The following SOD2 variants were observed in gnomAD, a reference collection of about 807,000 sequenced individuals.
SOD2 encodes the protein superoxide dismutase 2, also known as superoxide dismutase [Mn], mitochondrial.
Under a neutral mutation model 27.0 loss-of-function variants are expected in SOD2, and 11 were observed. The observed-to-expected ratio is 0.41, with a 90% CI of 0.26 to 0.67. SOD2 has a LOEUF of 0.67. SOD2 is among the 30% of genes least tolerant of loss of function. The probability of loss-of-function intolerance (pLI) is 0.34; values close to 1 mark genes in which losing one functional copy is unlikely to be tolerated. For synonymous variants in SOD2, 105 were observed against 103.0 expected, an observed-to-expected ratio of 1.02 and a Z score of -0.12; for missense variants, 250 against 274.5, an observed-to-expected ratio of 0.91 and a Z score of 0.63.
intron 1 of SOD2, among the ~76,000 whole-genome samples, chr6:159,734,915 T>G (rs1778811077): frequency 6.6e-6 from 1 of 152,182 alleles, no homozygotes; most frequent in Non-Finnish European, 1.5e-5. Flanking sequence ...TGTCTTTTTT[T>G]TGTGTGTGGA....
At chr6:159,709,052 T>A (rs372320659) in intron 1 of SOD2, among the ~76,000 whole-genome samples, 18 of 152,220 alleles carry the variant, frequency 1.2e-4, no homozygotes, top group East Asian at 9.6e-4. Context: ...CTGGGAAAAC[T>A]GGCTAGCCAT....
At chr6:159,701,405 T>G (rs1477606367) in intron 1 of SOD2, among the ~76,000 whole-genome samples, 2 of 152,106 alleles carry the variant, frequency 1.3e-5, no homozygotes, top group African/African-American at 4.8e-5. Flanking sequence ...CATATATTTT[T>G]TAAAAGGTCA....
rs1008665102 is a variant in SOD2, at chr6:159,674,429, A to G, written c.*8064T>C. 7.9e-5 allele frequency: 12 copies of G among 152,218 alleles called. No individual in the cohort carries two copies. Among genetic ancestry groups the G allele is most frequent in the Non-Finnish European group, 1.5e-4 (10 of 68,036 alleles). The allele number at this position is 152,218 out of a possible 1,614,324, so 9.4% of individuals were successfully genotyped here. On this transcript the variant is annotated 3_prime_UTR_variant, in exon 5 of 5. Coordinates refer to ENST00000538183, the MANE Select transcript of SOD2 (RefSeq NM_000636.4). The stretch of plus-strand genomic sequence containing the variant: ...AAGTGGGCTTCATCCCTGGGATGCA[A>G]GGCTGGTTCAACATACACAAATCAA...
chr6:159,688,371 A>T (rs1780292506), intron 2 of SOD2, 129 bp from the exon 3 acceptor site: 4 of 633,418 alleles, frequency 6.3e-6, no homozygotes, highest in Non-Finnish European at 1.1e-5. Flanking sequence ...CGTTTGTCCT[A>T]AAATTCAGCA....
intron 1 of SOD2, chr6:159,726,858 G>C (rs947469595): frequency 7.8e-7 from 1 of 1,289,122 alleles, no homozygotes; most frequent in Non-Finnish European, 1.0e-6. Context: ...TTACAGGTGA[G>C]CTTCTGCTAA....
At chr6:159,718,419 G>C (rs1162436836) in intron 1 of SOD2, among the ~76,000 whole-genome samples, 1 of 152,000 alleles carries the variant, frequency 6.6e-6, no homozygotes. Flanking sequence ...ATCAACATAT[G>C]AATTTCTGAA....
At chr6:159,707,659 C>T (rs1445711499) in intron 1 of SOD2, among the ~76,000 whole-genome samples, 4 of 152,122 alleles carry the variant, frequency 2.6e-5, no homozygotes, top group African/African-American at 4.8e-5. Flanking sequence ...CAGGACTAGA[C>T]GGATTCACAG....
At chr6:159,690,212 A>G (rs1192667505) in intron 2 of SOD2, among the ~76,000 whole-genome samples, 1 of 149,194 alleles carries the variant, frequency 6.7e-6, no homozygotes, top group Non-Finnish European at 1.5e-5. Flanking sequence ...GCTTGAACCC[A>G]GGAGACGGAG....
chr6:159,753,748 G>A, intron 1 of SOD2: 1 of 1,149,324 alleles, frequency 8.7e-7, no homozygotes, highest in South Asian at 2.1e-5. Flanking sequence ...TATTGTGAGT[G>A]AAGCATTTTT....
intron 3 of SOD2, among the ~76,000 whole-genome samples, chr6:159,687,909 G>A (rs1310688132): frequency 6.6e-6 from 1 of 152,152 alleles, no homozygotes; most frequent in Non-Finnish European, 1.5e-5. Context: ...TACTTGGGAG[G>A]CTGAGGCAGG....
chr6:159,754,300 T>TTA lies in SOD2; in HGVS notation c.-335-5626_-335-5625dup, dbSNP rs1355203619. ...ATTATTTCCTGTGACTTTTGTCCTT[T>TTA]TATATGTAACAGTCCTTGGTTGAGA... On this transcript the variant is annotated intron_variant, in intron 1 of 7. Coordinates refer to the SOD2 transcript ENST00000546087. Among the ~76,000 whole-genome samples, 4 of 152,316 alleles carry TTA rather than the reference T, an allele frequency of 2.6e-5. No homozygotes were observed. In the East Asian group the frequency reaches 7.7e-4, roughly 29 times the overall value.
At chr6:159,688,359 T>C in intron 2 of SOD2, 117 bp from the exon 3 acceptor site, 3 of 670,246 alleles carry the variant, frequency 4.5e-6, no homozygotes, top group African/African-American at 1.8e-5. Context: ...ATCTATAACA[T>C]CCGTTTGTCC....
intron 2 of SOD2, among the ~76,000 whole-genome samples, chr6:159,688,548 G>C (rs1780301671): frequency 6.6e-6 from 1 of 152,128 alleles, no homozygotes; most frequent in Non-Finnish European, 1.5e-5. Flanking sequence ...CAAAATAATA[G>C]AATGCTAAAA....
chr6:159,683,890 T>C (rs1583005273), intron 4 of SOD2, among the ~76,000 whole-genome samples: 1 of 152,342 alleles, frequency 6.6e-6, no homozygotes, highest in East Asian at 1.9e-4. Flanking sequence ...ATCAAGAGTA[T>C]TCCAATGTCA....
At chr6:159,760,846 C>T (rs2342478) in intron 1 of SOD2, 32,014 of 152,092 alleles carry the variant, frequency 0.21, 3,524 homozygotes, top group East Asian at 0.4. Flanking sequence ...ATTCCTTGGA[C>T]TCAGATATGT....
chr6:159,713,910 C>G, intron 1 of SOD2: 1 of 914,258 alleles, frequency 1.1e-6, no homozygotes, highest in Non-Finnish European at 1.8e-6. Context: ...AAGTGCATCA[C>G]TTCATCAGCT....
At position 159,678,681 on chromosome 6, in the gene SOD2, C is replaced by A. The variant is rs981186564; in HGVS notation, c.*3812G>T. The A allele has an allele frequency of 6.6e-6, 1 of 151,976 alleles. No individual in the cohort carries two copies. The highest frequency in any genetic ancestry group is 2.4e-5 in the African/African-American group (1 of 41,374). 9.4% of individuals were successfully genotyped at this position (151,976 alleles called of 1,614,324 possible). A position where few individuals can be genotyped will look rare whatever the true frequency, so the allele number is the denominator to read the frequency against. ...GCTGCTCTAGCAAATAAATCAAAAC[C>A]AAGGAAAGGGTCACGGGAACCCCAC... On this transcript the variant is annotated 3_prime_UTR_variant, in exon 5 of 5. Transcript: ENST00000538183.
intron 1 of SOD2, among the ~76,000 whole-genome samples, chr6:159,739,468 A>G (rs949908361): frequency 1.3e-5 from 2 of 152,224 alleles, no homozygotes; most frequent in Admixed American, 6.5e-5. Flanking sequence ...AGGTTGGGTT[A>G]AGTTATTGTT....
Position 159,743,384 on chromosome 6 carries a change from A to G in SOD2, c.-116+1746T>C, listed in dbSNP as rs114061525. Among the ~76,000 whole-genome samples the G allele has an allele frequency of 6.0e-3, 910 of 152,372 alleles. 9 individuals are homozygous for G. The highest frequency in any genetic ancestry group is 0.021 in the African/African-American group (881 of 41,592). ...TTAAATAGGTTAAAACATACTAATC[A>G]GGATTTTGTGAATACTGTATAACAC... On this transcript the variant is annotated intron_variant, in intron 1 of 3. Transcript: ENST00000537657.
Sources: allele counts gnomAD v4.1 joint callset (sites outside exome capture counted in the v4.1 genomes callset), GRCh38; gene constraint gnomAD v4.1.1; transcripts MANE v1.5; gene names NCBI Gene and HGNC (gene_info 2026-07-23, HGNC 2026-07-21).